Variants in RABGAP1 observed in about 807,000 individuals in gnomAD.
The protein encoded by RABGAP1 is rab GTPase-activating protein 1.
A neutral mutation model predicts 137.6 loss-of-function variants in RABGAP1; 23 were observed. The ratio of observed to expected loss-of-function variants is 0.17; its 90% CI spans 0.12 to 0.24. RABGAP1 has a LOEUF of 0.24. Ranked by LOEUF, RABGAP1 falls within the 10% of genes least tolerant of loss-of-function variation. The probability of loss-of-function intolerance (pLI) is 1.00; values close to 1 mark genes in which losing one functional copy is unlikely to be tolerated. For synonymous variants in RABGAP1, 451 were observed against 450.7 expected, an observed-to-expected ratio of 1.00 and a Z score of -0.01; for missense variants, 906 against 1,275.8, an observed-to-expected ratio of 0.71 and a Z score of 4.42.
At chr9:123,061,340 C>T (rs1048904140) in intron 13 of RABGAP1, among the ~76,000 whole-genome samples, 1 of 152,228 alleles carries the variant, frequency 6.6e-6, no homozygotes, top group Non-Finnish European at 1.5e-5. Flanking sequence ...GTCTCAATCT[C>T]CTGGGCTCAA....
At chr9:123,077,610 C>CATTGTATTGT (rs71508192) in intron 19 of RABGAP1, among the ~76,000 whole-genome samples, 3,084 of 91,354 alleles carry the variant, frequency 0.034, 344 homozygotes, top group Middle Eastern at 0.053. Flanking sequence ...GTTATCATAA[C>CATTGTATTGT]ATTGTATTGT....
intron 11 of RABGAP1, among the ~76,000 whole-genome samples, chr9:123,012,727 C>A (rs1232302372): frequency 6.6e-6 from 1 of 152,174 alleles, no homozygotes; most frequent in African/African-American, 2.4e-5. Flanking sequence ...TATACCACAA[C>A]ATCTGATATG....
chr9:122,939,535 G>C (rs895244632), upstream of RABGAP1: 1 of 151,948 alleles, frequency 6.6e-6, no homozygotes, highest in Non-Finnish European at 1.5e-5. Flanking sequence ...GTTTTAGCTT[G>C]TGTCTATTCT....
Position 123,022,748 on chromosome 9 carries a change from A to G in RABGAP1, c.1794+2289A>G, listed in dbSNP as rs1588286163. Among the ~76,000 whole-genome samples, 3 of 152,304 alleles carry G rather than the reference A, an allele frequency of 2.0e-5. No individual in the cohort carries two copies. The East Asian group carries it at 5.8e-4, about 29-fold the overall frequency. Reference sequence around the variant, plus strand: ...ATATATATTAATTTAAATTGCTAGTAGATGATCAGAAAATAGAAATTATTT... The same window carrying G: ...ATATATATTAATTTAAATTGCTAGTGGATGATCAGAAAATAGAAATTATTT... On this transcript the variant is annotated intron_variant, in intron 13 of 25. Coordinates refer to ENST00000373647, the MANE Select transcript of RABGAP1 (RefSeq NM_012197.4).
Position 123,101,460 on chromosome 9 carries a change from C to T in RABGAP1, c.2890-106C>T, listed in dbSNP as rs1588419529. The T allele has an allele frequency of 3.3e-5, 37 of 1,110,420 alleles. 1 individual carries two copies. The South Asian group carries it at 6.5e-4, about 20-fold the overall frequency. The allele number at this position is 1,110,420 out of a possible 1,614,324, so 68.8% of individuals were successfully genotyped here. On this transcript the variant is annotated intron_variant, in intron 24 of 25. Coordinates refer to ENST00000373647, the MANE Select transcript of RABGAP1 (RefSeq NM_012197.4). ...GCACAGGTTTTCAGAAACTGTAGTGCTCAACAGAGAAGCCGTCTCTTGGTG... is the reference window on the plus strand; with the variant it reads ...GCACAGGTTTTCAGAAACTGTAGTGTTCAACAGAGAAGCCGTCTCTTGGTG...
At chr9:123,003,096 A>G (rs2029879592) in intron 10 of RABGAP1, among the ~76,000 whole-genome samples, 1 of 152,190 alleles carries the variant, frequency 6.6e-6, no homozygotes, top group African/African-American at 2.4e-5. Context: ...CATTTAGAAC[A>G]CTGTTAATCT....
intron 13 of RABGAP1, chr9:123,035,047 T>A: frequency 3.7e-6 from 6 of 1,614,142 alleles, no homozygotes; most frequent in Non-Finnish European, 5.1e-6. Flanking sequence ...GACCCTGGTC[T>A]TCCTGCCTTC....
At chr9:123,029,049 A>T (rs1438737862) in intron 13 of RABGAP1, among the ~76,000 whole-genome samples, 1 of 152,130 alleles carries the variant, frequency 6.6e-6, no homozygotes, top group Non-Finnish European at 1.5e-5. Context: ...TTGCAGCGAG[A>T]CCCGTTAATA....
intron 10 of RABGAP1, among the ~76,000 whole-genome samples, chr9:123,002,928 G>T (rs1457737754): frequency 6.6e-6 from 1 of 152,138 alleles, no homozygotes; most frequent in African/African-American, 2.4e-5. Context: ...GTATGTGGAA[G>T]CTCGGGGGAG....
At chr9:122,983,900 T>C (rs1325276866) in intron 2 of RABGAP1, among the ~76,000 whole-genome samples, 2 of 152,224 alleles carry the variant, frequency 1.3e-5, no homozygotes, top group African/African-American at 4.8e-5. Context: ...TAGAGTGCTT[T>C]TATTTCTCAG....
At chr9:123,039,464 C>T (rs1379302866) in intron 13 of RABGAP1, among the ~76,000 whole-genome samples, 1 of 152,240 alleles carries the variant, frequency 6.6e-6, no homozygotes, top group African/African-American at 2.4e-5. Flanking sequence ...GTAGTCACAC[C>T]AGCCTTCTCC....
intron 13 of RABGAP1, among the ~76,000 whole-genome samples, chr9:123,045,134 T>G (rs1413288159): frequency 6.6e-6 from 1 of 152,202 alleles, no homozygotes; most frequent in Non-Finnish European, 1.5e-5. Context: ...AAAGTAAAGT[T>G]TTAAATTCTG....
intron 13 of RABGAP1, among the ~76,000 whole-genome samples, chr9:123,037,969 G>C (rs2032753385): frequency 6.6e-6 from 1 of 152,082 alleles, no homozygotes; most frequent in Admixed American, 6.6e-5. Flanking sequence ...ACTTTATATG[G>C]CATGTGACTG....
At chr9:122,955,270 G>GATTTGCTTC (rs1554784429) in intron 1 of RABGAP1, among the ~76,000 whole-genome samples, 6 of 152,114 alleles carry the variant, frequency 3.9e-5, no homozygotes, top group Non-Finnish European at 1.5e-5. Context: ...TATTAGGTAC[G>GATTTGCTTC]ATTTGCTTCT....
At position 123,031,441 on chromosome 9, in the gene RABGAP1, G is replaced by A. The variant is rs114874709; in HGVS notation, c.1794+10982G>A. 2.4e-3 allele frequency among the ~76,000 whole-genome samples: 371 copies of A among 152,240 alleles called. 2 individuals are homozygous for A. Among genetic ancestry groups the A allele is most frequent in the African/African-American group, 8.5e-3 (355 of 41,558 alleles). ...AGATCAGACTAGAAAGGCAGTAAAG[G>A]AGCCATTGACTCTTGAACAATGGGG... On this transcript the variant is annotated intron_variant, in intron 13 of 25. Transcript: ENST00000373647.
chr9:123,099,568 T>TA lies in RABGAP1; in HGVS notation c.2889+23dup. 1.9e-6 allele frequency: 3 copies of TA among 1,573,828 alleles called. No homozygotes were observed. The highest frequency in any genetic ancestry group is 2.6e-6 in the Non-Finnish European group (3 of 1,143,774). On this transcript the variant is annotated intron_variant, in intron 24 of 25. Coordinates refer to ENST00000373647, the MANE Select transcript of RABGAP1 (RefSeq NM_012197.4). ...AATTCGGGTAAGACTTCTCTTTACC[T>TA]AAAAGATTTTATACCACCTACTTCA...
chr9:123,080,182 C>CT (rs199561977), intron 19 of RABGAP1, among the ~76,000 whole-genome samples: 17 of 151,696 alleles, frequency 1.1e-4, no homozygotes, highest in African/African-American at 3.1e-4. Context: ...TATCTAATGT[C>CT]TTTTTTTTTC....
chr9:122,949,209 C>G (rs1183242817), intron 1 of RABGAP1, among the ~76,000 whole-genome samples: 2 of 151,720 alleles, frequency 1.3e-5, no homozygotes, highest in African/African-American at 4.8e-5. Context: ...AACTTCATCT[C>G]TACTAAAAAT....
At chr9:123,093,504 G>A (rs1018593548) in intron 21 of RABGAP1, among the ~76,000 whole-genome samples, 2 of 152,210 alleles carry the variant, frequency 1.3e-5, no homozygotes, top group African/African-American at 4.8e-5. Flanking sequence ...GAGCCCAACT[G>A]CTGTCCAGCA....
Sources: allele counts gnomAD v4.1 joint callset (sites outside exome capture counted in the v4.1 genomes callset), GRCh38; gene constraint gnomAD v4.1.1; transcripts MANE v1.5; gene names NCBI Gene and HGNC (gene_info 2026-07-23, HGNC 2026-07-21).